PDZRN4: variants seen among roughly 807,000 people sequenced by gnomAD.
PDZRN4 encodes the protein PDZ domain containing ring finger 4.
PDZRN4 carries 70 observed loss-of-function variants against 99.0 expected under a neutral mutation model. That is an observed-to-expected ratio of 0.71 (90% CI 0.58 to 0.86). PDZRN4 has a LOEUF of 0.86. PDZRN4 is among the 40% of genes least tolerant of loss of function. The probability of loss-of-function intolerance (pLI) is 0.00; values close to 1 mark genes in which losing one functional copy is unlikely to be tolerated. For synonymous variants in PDZRN4, 551 were observed against 501.6 expected (o/e 1.10, Z -1.32); for missense variants, 1,474 against 1,331.2 (o/e 1.11, Z -1.67).
At chr12:41,228,513 GC>G (rs940913487) in intron 3 of PDZRN4, among the ~76,000 whole-genome samples, 2 of 152,024 alleles carry the variant, frequency 1.3e-5, no homozygotes, top group African/African-American at 4.8e-5. Flanking sequence ...ATTTTGAAAG[GC>G]CTTTTGCCAA....
intron 3 of PDZRN4, among the ~76,000 whole-genome samples, chr12:41,391,532 G>T (rs1463667896): frequency 6.6e-6 from 1 of 152,134 alleles, no homozygotes; most frequent in Non-Finnish European, 1.5e-5. Flanking sequence ...AAGAGCTTGA[G>T]CCACCTTACT....
chr12:41,391,183 A>G (rs761292761), intron 3 of PDZRN4, among the ~76,000 whole-genome samples: 1 of 152,190 alleles, frequency 6.6e-6, no homozygotes, highest in Non-Finnish European at 1.5e-5. Flanking sequence ...CTGGAAGCAA[A>G]GAGTGCCCCC....
intron 3 of PDZRN4, among the ~76,000 whole-genome samples, chr12:41,226,420 T>C (rs758888676): frequency 2.6e-5 from 4 of 152,104 alleles, no homozygotes; most frequent in Admixed American, 2.0e-4. Context: ...TGGGGTTTTG[T>C]TCACTGCAAA....
chr12:41,347,736 A>G (rs1951865215), intron 3 of PDZRN4, among the ~76,000 whole-genome samples: 1 of 152,150 alleles, frequency 6.6e-6, no homozygotes, highest in South Asian at 2.1e-4. Context: ...GGTTACAAAG[A>G]CTTACTCCTA....
Position 41,360,757 on chromosome 12 carries a change from A to G in PDZRN4, c.844-145699A>G, listed in dbSNP as rs571779095. Among the ~76,000 whole-genome samples the G allele has an allele frequency of 2.6e-5, 4 of 152,208 alleles. No homozygotes were observed. The South Asian group carries it at 8.3e-4, about 32-fold the overall frequency. ...GACTAAAAATTACCTTTTATATATTATAGACCATAACCGACACAGGAAGAG... is the reference window on the plus strand; with the variant it reads ...GACTAAAAATTACCTTTTATATATTGTAGACCATAACCGACACAGGAAGAG... On this transcript the variant is annotated intron_variant, in intron 3 of 9. Transcript: ENST00000402685.
intron 3 of PDZRN4, among the ~76,000 whole-genome samples, chr12:41,457,360 T>C (rs963572690): frequency 2.6e-5 from 4 of 152,222 alleles, no homozygotes; most frequent in Non-Finnish European, 4.4e-5. Flanking sequence ...TATCAGGTGC[T>C]TTGTAAAGTG....
chr12:41,378,907 C>T (rs775727364), intron 3 of PDZRN4, among the ~76,000 whole-genome samples: 11 of 152,122 alleles, frequency 7.2e-5, no homozygotes, highest in Non-Finnish European at 1.6e-4. Context: ...TCAGCGAATA[C>T]TGGGGATACT....
chr12:41,200,039 G>A (rs1950804141), intron 3 of PDZRN4, among the ~76,000 whole-genome samples: 1 of 152,134 alleles, frequency 6.6e-6, no homozygotes, highest in Admixed American at 6.6e-5. Flanking sequence ...TTTAAAAAGA[G>A]TGTAAATGGA....
chr12:41,446,526 GTT>G (rs10555918), intron 3 of PDZRN4, among the ~76,000 whole-genome samples: 76,622 of 149,374 alleles, frequency 0.51, 19,848 homozygotes, highest in African/African-American at 0.63. Flanking sequence ...AATTTAGATG[GTT>G]TTTTTTTTTA....
chr12:41,314,799 A>G (rs1484230692), intron 3 of PDZRN4, among the ~76,000 whole-genome samples: 1 of 149,696 alleles, frequency 6.7e-6, no homozygotes, highest in Non-Finnish European at 1.5e-5. Context: ...AGATATCTAG[A>G]CTGTTCACTA....
intron 3 of PDZRN4, among the ~76,000 whole-genome samples, chr12:41,311,855 C>G (rs977539364): frequency 2.0e-5 from 3 of 152,116 alleles, no homozygotes; most frequent in African/African-American, 7.2e-5. Flanking sequence ...ACACCTATTA[C>G]AAAAGAATGC....
intron 3 of PDZRN4, among the ~76,000 whole-genome samples, chr12:41,471,221 AAG>A (rs1216724684): frequency 6.6e-6 from 1 of 152,198 alleles, no homozygotes; most frequent in Non-Finnish European, 1.5e-5. Context: ...CAAATGGAGA[AAG>A]AGTAATTTCT....
At chr12:41,258,611 CA>C (rs1228525427) in intron 3 of PDZRN4, among the ~76,000 whole-genome samples, 1 of 152,000 alleles carries the variant, frequency 6.6e-6, no homozygotes, top group African/African-American at 2.4e-5. Context: ...AATTAAGTAC[CA>C]AAAACGTGAA....
At chr12:41,541,773 A>G (rs1226174799) in intron 5 of PDZRN4, among the ~76,000 whole-genome samples, 1 of 152,088 alleles carries the variant, frequency 6.6e-6, no homozygotes, top group Non-Finnish European at 1.5e-5. Context: ...TATTTTTAAA[A>G]ATTCCCTTGA....
intron 3 of PDZRN4, among the ~76,000 whole-genome samples, chr12:41,270,099 C>T (rs1039583484): frequency 6.6e-6 from 1 of 151,998 alleles, no homozygotes; most frequent in African/African-American, 2.4e-5. Context: ...TTCACGTTTG[C>T]CCATTTAACA....
intron 3 of PDZRN4, among the ~76,000 whole-genome samples, chr12:41,362,046 G>A (rs1565562336): frequency 6.6e-6 from 1 of 151,988 alleles, no homozygotes; most frequent in Non-Finnish European, 1.5e-5. Context: ...TCCTCTCATT[G>A]AGAGGGGATC....
intron 3 of PDZRN4, among the ~76,000 whole-genome samples, chr12:41,232,936 C>A (rs1021181135): frequency 1.2e-4 from 18 of 152,078 alleles, no homozygotes; most frequent in Admixed American, 4.6e-4. Context: ...ATCCTTTCCC[C>A]ATTGCTTGTT....
chr12:41,271,700 C>T (rs1951315337), intron 3 of PDZRN4, among the ~76,000 whole-genome samples: 1 of 152,170 alleles, frequency 6.6e-6, no homozygotes, highest in East Asian at 1.9e-4. Context: ...ATGCATTTGC[C>T]GTTTTGATTA....
chr12:41,572,331 A>G (rs778260322), intron 9 of PDZRN4, 33 bp from the exon 10 acceptor site: 1 of 1,538,218 alleles, frequency 6.5e-7, no homozygotes, highest in East Asian at 2.3e-5. Context: ...AAAATCATTA[A>G]TTTTCTTTGT....
Sources: gnomAD v4.1 joint callset for allele counts (sites outside exome capture counted in the v4.1 genomes callset) on GRCh38, gnomAD v4.1.1 for gene constraint, MANE v1.5 for transcripts, NCBI Gene and HGNC (gene_info 2026-07-23, HGNC 2026-07-21) for gene names.